HS6ST3: variants seen among roughly 807,000 people sequenced by gnomAD.
HS6ST3 encodes the protein heparan-sulfate 6-O-sulfotransferase 3.
In HS6ST3, 12 loss-of-function variants were observed where a neutral mutation model predicts 36.7. The observed-to-expected ratio is 0.33, with a 90% confidence interval of 0.21 to 0.53. The LOEUF (loss-of-function observed/expected upper bound fraction) is 0.53. Ranked by LOEUF, HS6ST3 falls within the 20% of genes least tolerant of loss-of-function variation. HS6ST3 has a pLI of 0.95. For synonymous variants in HS6ST3, 240 were observed against 257.5 expected, an observed-to-expected ratio of 0.93 and a Z score of 0.65; for missense variants, 584 against 640.9, an observed-to-expected ratio of 0.91 and a Z score of 0.96.
intron 1 of HS6ST3, among the ~76,000 whole-genome samples, chr13:96,679,659 T>C (rs565776691): frequency 6.6e-6 from 1 of 152,300 alleles, no homozygotes; most frequent in African/African-American, 2.4e-5. Context: ...CCTTTTGTTT[T>C]AGTAGGAGGA....
intron 1 of HS6ST3, among the ~76,000 whole-genome samples, chr13:96,189,915 G>C (rs558771849): frequency 6.6e-6 from 1 of 152,180 alleles, no homozygotes; most frequent in South Asian, 2.1e-4. Context: ...GTAGGGCAGG[G>C]ACAGGAGAGT....
intron 1 of HS6ST3, among the ~76,000 whole-genome samples, chr13:96,554,845 G>A (rs1052506781): frequency 6.6e-6 from 1 of 151,908 alleles, no homozygotes; most frequent in Non-Finnish European, 1.5e-5. Context: ...GAAGCAGGTG[G>A]ATCACTTGAG....
chr13:96,488,976 G>A (rs990569517), intron 1 of HS6ST3, among the ~76,000 whole-genome samples: 12 of 152,012 alleles, frequency 7.9e-5, no homozygotes, highest in African/African-American at 2.9e-4. Flanking sequence ...AATACAGTGT[G>A]TGTGATCCTT....
chr13:96,578,041 G>GA (rs1199676534), intron 1 of HS6ST3, among the ~76,000 whole-genome samples: 1 of 152,178 alleles, frequency 6.6e-6, no homozygotes, highest in African/African-American at 2.4e-5. Flanking sequence ...CAGTGCCCAA[G>GA]AATCGGGCTG....
At chr13:96,200,510 A>G (rs2054336300) in intron 1 of HS6ST3, among the ~76,000 whole-genome samples, 1 of 152,122 alleles carries the variant, frequency 6.6e-6, no homozygotes. Flanking sequence ...TACCTTGGCT[A>G]TACTATCTAA....
intron 1 of HS6ST3, among the ~76,000 whole-genome samples, chr13:96,600,901 C>G (rs888162961): frequency 1.3e-5 from 2 of 152,032 alleles, no homozygotes; most frequent in African/African-American, 2.4e-5. Flanking sequence ...CTGGGAAATA[C>G]TTTGTTTCTC....
chr13:96,809,136 A>T (rs1878263059), intron 1 of HS6ST3, among the ~76,000 whole-genome samples: 1 of 152,196 alleles, frequency 6.6e-6, no homozygotes, highest in African/African-American at 2.4e-5. Context: ...GGGTCCTTGG[A>T]TTTCACTGAA....
At chr13:96,602,410 A>G (rs1482211932) in intron 1 of HS6ST3, among the ~76,000 whole-genome samples, 1 of 152,020 alleles carries the variant, frequency 6.6e-6, no homozygotes, top group East Asian at 1.9e-4. Context: ...TTCATTCTTC[A>G]TACACTGATT....
intron 1 of HS6ST3, among the ~76,000 whole-genome samples, chr13:96,150,121 C>T (rs1055773738): frequency 2.6e-5 from 4 of 151,968 alleles, no homozygotes; most frequent in Non-Finnish European, 5.9e-5. Flanking sequence ...ACGTGGACAC[C>T]GGAGAGTGAG....
chr13:96,110,792 A>C (rs967102432), intron 1 of HS6ST3, among the ~76,000 whole-genome samples: 1 of 152,110 alleles, frequency 6.6e-6, no homozygotes, highest in Non-Finnish European at 1.5e-5. Context: ...TTTTGGAGGA[A>C]ATGGTTGAAT....
intron 1 of HS6ST3, among the ~76,000 whole-genome samples, chr13:96,448,752 T>G (rs1330398405): frequency 6.6e-6 from 1 of 152,062 alleles, no homozygotes; most frequent in Non-Finnish European, 1.5e-5. Flanking sequence ...TAACAAAGTG[T>G]CCTTCTGTAT....
chr13:96,750,422 A>C (rs550265182), intron 1 of HS6ST3, among the ~76,000 whole-genome samples: 2 of 152,226 alleles, frequency 1.3e-5, no homozygotes, highest in African/African-American at 2.4e-5. Context: ...GACAGGCCAC[A>C]TCCTTTCTTC....
chr13:96,461,815 T>C (rs2055785778), intron 1 of HS6ST3, among the ~76,000 whole-genome samples: 1 of 152,088 alleles, frequency 6.6e-6, no homozygotes, highest in East Asian at 1.9e-4. Context: ...CCAAATTCAT[T>C]ATATGGGGCA....
intron 1 of HS6ST3, among the ~76,000 whole-genome samples, chr13:96,440,832 A>AAT (rs2055667185): frequency 6.6e-6 from 1 of 152,198 alleles, no homozygotes; most frequent in South Asian, 2.1e-4. Context: ...AATGCAGAGG[A>AAT]ATAATTAATC....
intron 1 of HS6ST3, among the ~76,000 whole-genome samples, chr13:96,456,165 A>G (rs1274679548): frequency 6.6e-6 from 1 of 152,224 alleles, no homozygotes; most frequent in Non-Finnish European, 1.5e-5. Context: ...TAGTAGAATG[A>G]CTACAGTAGG....
chr13:96,180,868 C>T (rs1228582414), intron 1 of HS6ST3, among the ~76,000 whole-genome samples: 2 of 152,140 alleles, frequency 1.3e-5, no homozygotes, highest in African/African-American at 4.8e-5. Context: ...TCCTTTCCTT[C>T]CTCCCCTCTT....
At chr13:96,262,271 G>A (rs780183170) in intron 1 of HS6ST3, among the ~76,000 whole-genome samples, 22 of 152,060 alleles carry the variant, frequency 1.4e-4, no homozygotes, top group Non-Finnish European at 2.5e-4. Flanking sequence ...GAAGGCAAAC[G>A]TTTTCTATGT....
chr13:96,716,975 A>G (rs1175117991), intron 1 of HS6ST3, among the ~76,000 whole-genome samples: 1 of 152,204 alleles, frequency 6.6e-6, no homozygotes, highest in Non-Finnish European at 1.5e-5. Context: ...ATTTTCCTTC[A>G]TTCAGGAGGG....
Position 96,206,388 on chromosome 13 carries a change from G to A in HS6ST3, c.707+114819G>A, listed in dbSNP as rs377731512. ...TGTGAAAATGGCCATACTGCCCAAA[G>A]TAGTTTATACATTCAATGCTATTCT... On this transcript the variant is annotated intron_variant, in intron 1 of 1. Transcript: ENST00000376705. 3.1e-3 allele frequency among the ~76,000 whole-genome samples: 469 copies of A among 152,284 alleles called. 2 individuals are homozygous for A. The highest frequency in any genetic ancestry group is 5.4e-3 in the Non-Finnish European group (365 of 68,026).
Sources: gnomAD v4.1 joint callset for allele counts (sites outside exome capture counted in the v4.1 genomes callset) on GRCh38, gnomAD v4.1.1 for gene constraint, MANE v1.5 for transcripts, NCBI Gene and HGNC (gene_info 2026-07-23, HGNC 2026-07-21) for gene names.